ACADM: variants seen among roughly 807,000 people sequenced by gnomAD.
ACADM encodes the protein acyl-CoA dehydrogenase medium chain, also known as medium-chain specific acyl-CoA dehydrogenase, mitochondrial.
A neutral mutation model predicts 58.9 loss-of-function variants in ACADM; 49 were observed. The observed-to-expected ratio is 0.83, with a 90% CI of 0.66 to 1.06. ACADM has a LOEUF of 1.06. Ranked by LOEUF, ACADM falls within the 50% of genes least tolerant of loss-of-function variation. ACADM has a pLI of 0.00. For synonymous variants in ACADM, 160 were observed against 157.7 expected, an observed-to-expected ratio of 1.01 and a Z score of -0.11; for missense variants, 496 against 507.0, an observed-to-expected ratio of 0.98 and a Z score of 0.21.
chr1:75,743,761 T>C, intron 7 of ACADM: 1 of 1,553,696 alleles, frequency 6.4e-7, no homozygotes, highest in South Asian at 1.1e-5. Flanking sequence ...ATCTGCATAA[T>C]TCATAGCTTC....
Position 75,763,258 on chromosome 1 carries a change from C to A in ACADM, c.*495C>A, listed in dbSNP as rs1001946509. 4 of 152,116 alleles carry A rather than the reference C, an allele frequency of 2.6e-5. No individual in the cohort carries two copies. The highest frequency in any genetic ancestry group is 2.0e-4 in the Admixed American group (3 of 15,242). 9.4% of individuals were successfully genotyped at this position (152,116 alleles called of 1,614,324 possible). A position where few individuals can be genotyped will look rare whatever the true frequency, so the allele number is the denominator to read the frequency against. On this transcript the variant is annotated 3_prime_UTR_variant, in exon 12 of 12. Transcript: ENST00000370841. ...ACTTTCTGTTTGGCACAGAAACAGTCAAAATTTTGACATTCATATTCTCCT... is the reference window on the plus strand; with the variant it reads ...ACTTTCTGTTTGGCACAGAAACAGTAAAAATTTTGACATTCATATTCTCCT...
In ACADM at chr1:75,740,020, C is replaced by A. The variant is rs2100389579; in HGVS notation, c.509C>A (p.Ala170Asp). 1.9e-6 allele frequency: 3 copies of A among 1,612,712 alleles called. No individual in the cohort carries two copies. The highest frequency in any genetic ancestry group is 2.5e-6 in the Non-Finnish European group (3 of 1,178,982). ...GAACCTGGAGCAGGCTCTGATGTAG[C>A]TGGTATAAAGACCAAAGCAGAAAAG... The part of the protein sequence containing the change: ...VTEPGAGSDV[A>D]GIKTKAEKKG... The change falls in exon 7 of 12, where the codon GCT becomes GAT. Residue 170 changes from alanine (A) to aspartate (D), a missense_variant. Physicochemically the swap from Ala to Asp is moderately radical, Grantham distance 126 (BLOSUM62 -2). Transcript: ENST00000370841.
intron 7 of ACADM, among the ~76,000 whole-genome samples, chr1:75,741,119 A>G (rs1473920751): frequency 3.3e-5 from 5 of 152,240 alleles, no homozygotes; most frequent in Admixed American, 3.3e-4. Flanking sequence ...CACTACAAGT[A>G]TATAGAGAGT....
At chr1:75,744,365 T>C in intron 7 of ACADM, 1 of 1,580,982 alleles carries the variant, frequency 6.3e-7, no homozygotes, top group Non-Finnish European at 8.7e-7. Flanking sequence ...AAAAGCGGAG[T>C]GCCTCCTTCG....
chr1:75,753,975 T>G (rs1346308819), intron 10 of ACADM, among the ~76,000 whole-genome samples: 1 of 149,506 alleles, frequency 6.7e-6, no homozygotes, highest in Non-Finnish European at 1.5e-5. Flanking sequence ...TTTTTTTTTT[T>G]TGTAGAAATG....
intron 6 of ACADM, among the ~76,000 whole-genome samples, chr1:75,735,928 C>A (rs1313125625): frequency 2.0e-5 from 3 of 151,322 alleles, no homozygotes; most frequent in Non-Finnish European, 4.4e-5. Flanking sequence ...GGCAGGAGAA[C>A]TGCTTGAGCC....
intron 7 of ACADM, among the ~76,000 whole-genome samples, chr1:75,742,227 TCAG>T (rs1557452109): frequency 6.7e-6 from 1 of 149,928 alleles, no homozygotes; most frequent in Non-Finnish European, 1.5e-5. Flanking sequence ...GTGTCAAATG[TCAG>T]CAGCCTCAGG....
At chr1:75,729,120 G>A (rs955020508) in intron 2 of ACADM, among the ~76,000 whole-genome samples, 2 of 151,852 alleles carry the variant, frequency 1.3e-5, no homozygotes, top group African/African-American at 4.8e-5. Flanking sequence ...ATAGTTAAAG[G>A]CAGCTGCGAT....
In ACADM at chr1:75,749,441, G is replaced by C; in HGVS notation, c.731G>C (p.Cys244Ser). ...GRKELNMGQR[C>S]SDTRGIVFED... ...TAGGAATTAAACATGGGCCAGCGAT[G>C]TTCAGATACTAGAGGAATTGTCTTC... Residue 244 changes from cysteine to serine, a missense_variant, in exon 9 of 12, where the codon TGT becomes TCT. Coordinates refer to ENST00000370841, the MANE Select transcript of ACADM (RefSeq NM_000016.6). The C allele has an allele frequency of 1.2e-6, 2 of 1,614,020 alleles. No homozygotes were observed. The highest frequency in any genetic ancestry group is 8.5e-7 in the Non-Finnish European group (1 of 1,179,948).
intron 6 of ACADM, among the ~76,000 whole-genome samples, chr1:75,738,263 G>T (rs1276025794): frequency 1.3e-5 from 2 of 151,360 alleles, no homozygotes; most frequent in African/African-American, 4.9e-5. Context: ...TCGCTCTGTT[G>T]CCTAGGCTGG....
At position 75,740,092 on chromosome 1, in the gene ACADM, A is replaced by G. The variant is rs1010454733; in HGVS notation, c.581A>G (p.Asn194Ser). The change falls in exon 7 of 12, where the codon AAC becomes AGC. Residue 194 changes from asparagine to serine, a missense_variant. Transcript: ENST00000370841. ...IINGQKMWIT[N>S]GGKANWYFLL... ...AATGGTCAGAAGATGTGGATAACCA[A>G]CGGAGGAAAAGCTAATTGGTATGTT... 3 of 1,612,032 alleles carry G rather than the reference A, an allele frequency of 1.9e-6. No individual in the cohort carries two copies. Among genetic ancestry groups the G allele is most frequent in the Admixed American group, 1.7e-5 (1 of 59,986 alleles).
In ACADM at chr1:75,732,715, G is replaced by C; in HGVS notation, c.190G>C (p.Ala64Pro). The C allele has an allele frequency of 3.7e-6, 6 of 1,613,904 alleles. No homozygotes were observed. Among genetic ancestry groups the C allele is most frequent in the Non-Finnish European group, 5.1e-6 (6 of 1,179,862 alleles). ...TGCCAGAGAGGAAATCATCCCAGTG[G>C]CTGCAGAATATGATAAAACTGGTGA... ...KFAREEIIPV[A>P]AEYDKTGEYP... The change falls in exon 3 of 12, where the codon GCT becomes CCT. Residue 64 changes from alanine (A) to proline (P), a missense_variant. Physicochemically the swap from Ala to Pro is conservative, Grantham distance 27. Transcript: ENST00000370841.
At chr1:75,760,405 G>A (rs1648765314) in intron 10 of ACADM, among the ~76,000 whole-genome samples, 1 of 147,436 alleles carries the variant, frequency 6.8e-6, no homozygotes, top group Admixed American at 6.8e-5. Context: ...CTGGGCAAAA[G>A]AGTGAAACTT....
intron 2 of ACADM, among the ~76,000 whole-genome samples, chr1:75,732,252 T>C (rs1027618100): frequency 3.3e-5 from 5 of 152,236 alleles, no homozygotes; most frequent in Non-Finnish European, 7.3e-5. Context: ...TTTCGTTAGA[T>C]TGATTCTTGT....
At chr1:75,736,968 T>C (rs1336694233) in intron 6 of ACADM, among the ~76,000 whole-genome samples, 1 of 152,086 alleles carries the variant, frequency 6.6e-6, no homozygotes, top group Non-Finnish European at 1.5e-5. Flanking sequence ...GCCTTCCTTC[T>C]TTTTACATGC....
At chr1:75,740,820 A>C (rs1397854032) in intron 7 of ACADM, among the ~76,000 whole-genome samples, 1 of 152,224 alleles carries the variant, frequency 6.6e-6, no homozygotes, top group Non-Finnish European at 1.5e-5. Context: ...ACATTTTAAA[A>C]CATGTATTGA....
At chr1:75,747,582 T>C (rs1570889354) in intron 8 of ACADM, among the ~76,000 whole-genome samples, 1 of 152,282 alleles carries the variant, frequency 6.6e-6, no homozygotes, top group East Asian at 1.9e-4. Context: ...ACCCAGGAGT[T>C]CAGGACCAGC....
chr1:75,753,597 G>A (rs953632380), intron 10 of ACADM, among the ~76,000 whole-genome samples: 1 of 151,652 alleles, frequency 6.6e-6, no homozygotes, highest in Non-Finnish European at 1.5e-5. Context: ...GATGATAACT[G>A]TATTTTTGGC....
chr1:75,744,397 A>G, intron 7 of ACADM: 9 of 1,521,614 alleles, frequency 5.9e-6, no homozygotes, highest in Non-Finnish European at 7.3e-6. Flanking sequence ...ATCAGGTACG[A>G]AAAGAGCTTC....
Sources: allele counts gnomAD v4.1 joint callset (sites outside exome capture counted in the v4.1 genomes callset), GRCh38; gene constraint gnomAD v4.1.1; transcripts MANE v1.5; gene names NCBI Gene and HGNC (gene_info 2026-07-23, HGNC 2026-07-21).